Variants in CCSER1 observed in about 807,000 individuals in gnomAD.
CCSER1 encodes serine-rich coiled-coil domain-containing protein 1.
A neutral mutation model predicts 82.0 loss-of-function variants in CCSER1; 41 were observed. That is an observed-to-expected ratio of 0.50 (90% CI 0.39 to 0.65). CCSER1 has a LOEUF of 0.65. CCSER1 is among the 30% of genes least tolerant of loss of function. The pLI, the probability that CCSER1 is intolerant of heterozygous loss-of-function variation, is 0.00. For synonymous variants in CCSER1, 414 were observed against 383.9 expected (o/e 1.08, Z -0.92); for missense variants, 1,119 against 1,064.2 (o/e 1.05, Z -0.72).
At chr4:90,141,562 G>T (rs1316539927) in intron 1 of CCSER1, among the ~76,000 whole-genome samples, 1 of 152,168 alleles carries the variant, frequency 6.6e-6, no homozygotes, top group African/African-American at 2.4e-5. Context: ...TGCAATATGT[G>T]CAAGAGACAA....
intron 10 of CCSER1, among the ~76,000 whole-genome samples, chr4:91,190,062 C>G (rs1467213282): frequency 1.3e-5 from 2 of 152,088 alleles, no homozygotes; most frequent in African/African-American, 4.8e-5. Context: ...ATCTGTAGCC[C>G]TGGCTATAGC....
At chr4:90,669,720 A>G (rs1732451054) in intron 6 of CCSER1, among the ~76,000 whole-genome samples, 1 of 152,158 alleles carries the variant, frequency 6.6e-6, no homozygotes, top group Non-Finnish European at 1.5e-5. Context: ...TCTCTCTTCA[A>G]CCTTTTTAGT....
At chr4:91,029,270 C>G (rs150360745) in intron 9 of CCSER1, among the ~76,000 whole-genome samples, 15 of 145,848 alleles carry the variant, frequency 1.0e-4, no homozygotes, top group Middle Eastern at 3.5e-3. Flanking sequence ...ACTTATCGTT[C>G]GGTTTTTTTT....
chr4:91,467,213 C>G (rs1011631418), intron 10 of CCSER1, among the ~76,000 whole-genome samples: 1 of 150,136 alleles, frequency 6.7e-6, no homozygotes, highest in Non-Finnish European at 1.5e-5. Flanking sequence ...ACATCTACAA[C>G]CATCTTTGAC....
At chr4:90,447,257 G>A (rs1284335496) in intron 4 of CCSER1, among the ~76,000 whole-genome samples, 1 of 151,898 alleles carries the variant, frequency 6.6e-6, no homozygotes, top group African/African-American at 2.4e-5. Flanking sequence ...CAACTAAATA[G>A]TGACACCAGA....
At chr4:90,781,971 A>C in intron 7 of CCSER1, 7 of 887,880 alleles carry the variant, frequency 7.9e-6, no homozygotes, top group Non-Finnish European at 9.4e-6. Flanking sequence ...CGATATAGGA[A>C]CAAAAATAAA....
At chr4:91,411,904 T>G (rs1025432387) in intron 10 of CCSER1, among the ~76,000 whole-genome samples, 1 of 151,706 alleles carries the variant, frequency 6.6e-6, no homozygotes, top group Non-Finnish European at 1.5e-5. Flanking sequence ...TTAAAATACA[T>G]AGATTATCAT....
rs1581597579 is a variant in CCSER1, at chr4:91,122,417, A to T, written c.2217+36423A>T. ...GTATAACATGTTTCAGCAACTTGAC[A>T]TTTTTTTTCTGACCCTTCCACATAT... On this transcript the variant is annotated intron_variant, in intron 10 of 10. Transcript: ENST00000509176. Among the ~76,000 whole-genome samples, 4 of 151,698 alleles carry T rather than the reference A, an allele frequency of 2.6e-5. No individual in the cohort carries two copies. The East Asian group carries it at 5.8e-4, about 22-fold the overall frequency.
intron 9 of CCSER1, among the ~76,000 whole-genome samples, chr4:91,074,678 G>A (rs28547209): frequency 0.33 from 50,819 of 152,028 alleles, 8,961 homozygotes; most frequent in South Asian, 0.43. Context: ...CTGGCTGCAA[G>A]CCTCCTCATC....
At chr4:90,542,553 T>A (rs1776248856) in intron 5 of CCSER1, among the ~76,000 whole-genome samples, 1 of 152,064 alleles carries the variant, frequency 6.6e-6, no homozygotes, top group Non-Finnish European at 1.5e-5. Flanking sequence ...TATGACAAAC[T>A]GTGCTAACAA....
chr4:90,229,769 G>C (rs1254653351), intron 1 of CCSER1, among the ~76,000 whole-genome samples: 1 of 152,156 alleles, frequency 6.6e-6, no homozygotes, highest in African/African-American at 2.4e-5. Context: ...TAAAAGGATA[G>C]AGGAAGATCT....
intron 5 of CCSER1, among the ~76,000 whole-genome samples, chr4:90,485,707 G>T (rs1349980731): frequency 6.6e-6 from 1 of 151,842 alleles, no homozygotes; most frequent in Non-Finnish European, 1.5e-5. Flanking sequence ...CCACCCTCCA[G>T]TCTCTGATAA....
chr4:90,567,294 CTTTT>C (rs1163400232), intron 5 of CCSER1, among the ~76,000 whole-genome samples: 1 of 145,492 alleles, frequency 6.9e-6, no homozygotes, highest in Non-Finnish European at 1.5e-5. Context: ...TTTCCATTTT[CTTTT>C]GTCTCTGGAT....
intron 5 of CCSER1, among the ~76,000 whole-genome samples, chr4:90,548,911 G>A (rs78406424): frequency 0.012 from 1,856 of 152,060 alleles, 41 homozygotes; most frequent in African/African-American, 0.042. Flanking sequence ...GTAGTTTTCT[G>A]AGCCTTGTTC....
At chr4:90,701,674 G>C (rs926936675) in intron 6 of CCSER1, among the ~76,000 whole-genome samples, 3 of 152,144 alleles carry the variant, frequency 2.0e-5, no homozygotes, top group Non-Finnish European at 4.4e-5. Flanking sequence ...GAAGTGGTTT[G>C]TAGTTTTCCT....
At chr4:91,057,186 T>A (rs1158241302) in intron 9 of CCSER1, among the ~76,000 whole-genome samples, 1 of 152,148 alleles carries the variant, frequency 6.6e-6, no homozygotes, top group African/African-American at 2.4e-5. Context: ...CAGGAACACA[T>A]GCATAGCTGC....
At chr4:90,279,669 A>C (rs1220485553) in intron 1 of CCSER1, among the ~76,000 whole-genome samples, 1 of 152,014 alleles carries the variant, frequency 6.6e-6, no homozygotes, top group Non-Finnish European at 1.5e-5. Flanking sequence ...ATACCAGATA[A>C]AAGAAATGGT....
chr4:90,616,881 A>G (rs1023816281), intron 5 of CCSER1, among the ~76,000 whole-genome samples: 2 of 152,186 alleles, frequency 1.3e-5, no homozygotes, highest in East Asian at 3.8e-4. Flanking sequence ...GTTTGGCTTA[A>G]GAAGCTTATC....
intron 4 of CCSER1, among the ~76,000 whole-genome samples, chr4:90,425,360 T>C (rs1233670446): frequency 6.6e-6 from 1 of 152,128 alleles, no homozygotes; most frequent in African/African-American, 2.4e-5. Context: ...AAGAGTTTCA[T>C]TTTGTTATCT....
Sources: gnomAD v4.1 joint callset for allele counts (sites outside exome capture counted in the v4.1 genomes callset) on GRCh38, gnomAD v4.1.1 for gene constraint, MANE v1.5 for transcripts, NCBI Gene and HGNC (gene_info 2026-07-23, HGNC 2026-07-21) for gene names.